The following PNPLA1 variants were observed in gnomAD, a reference collection of about 807,000 sequenced individuals.
PNPLA1 encodes omega-hydroxyceramide transacylase.
Under a neutral mutation model 51.7 loss-of-function variants are expected in PNPLA1, and 36 were observed. The ratio of observed to expected loss-of-function variants is 0.70; its 90% CI spans 0.53 to 0.92. The LOEUF (loss-of-function observed/expected upper bound fraction) is 0.92. Ranked by LOEUF, PNPLA1 falls within the 40% of genes least tolerant of loss-of-function variation. The probability of loss-of-function intolerance (pLI) is 0.00; values close to 1 mark genes in which losing one functional copy is unlikely to be tolerated. For synonymous variants in PNPLA1, 293 were observed against 280.1 expected, an observed-to-expected ratio of 1.05 and a Z score of -0.46; for missense variants, 658 against 682.5, an observed-to-expected ratio of 0.96 and a Z score of 0.40.
In PNPLA1 at chr6:36,291,530, C is replaced by T. The variant is rs377709223; in HGVS notation, c.416C>T (p.Thr139Met). ...DGENVVVSEF[T>M]SKEELIEALY... is the part of the protein sequence containing the mutation. ...GAGAATGTGGTGGTTTCAGAGTTCACGTCCAAGGAGGAGCTCATTGAGGCA... is the reference window on the plus strand; with the variant it reads ...GAGAATGTGGTGGTTTCAGAGTTCATGTCCAAGGAGGAGCTCATTGAGGCA... The change falls in exon 2 of 9, where the codon ACG becomes ATG. Residue 139 changes from threonine (T) to methionine (M), a missense_variant. Transcript: ENST00000636260. 9 of 1,464,618 alleles carry T rather than the reference C, an allele frequency of 6.1e-6. No homozygotes were observed. The highest frequency in any genetic ancestry group is 3.0e-5 in the African/African-American group (2 of 67,182). 90.7% of individuals were successfully genotyped at this position (1,464,618 alleles called of 1,614,324 possible).
intron 5 of PNPLA1, among the ~76,000 whole-genome samples, chr6:36,301,226 C>T (rs927581694): frequency 6.6e-6 from 1 of 151,108 alleles, no homozygotes; most frequent in Non-Finnish European, 1.5e-5. Flanking sequence ...GCTCAGGCAA[C>T]CCTTTCACCT....
chr6:36,245,755 T>C (rs1769261587), intron 1 of PNPLA1, among the ~76,000 whole-genome samples: 1 of 152,224 alleles, frequency 6.6e-6, no homozygotes. Flanking sequence ...GCAGGAACCG[T>C]CATCCCCACG....
chr6:36,310,760 G>A (rs1771390234), intron 8 of PNPLA1, among the ~76,000 whole-genome samples: 1 of 152,194 alleles, frequency 6.6e-6, no homozygotes, highest in African/African-American at 2.4e-5. Context: ...ACTGGGGTGG[G>A]AGTCAGAAGT....
At chr6:36,310,811 T>C (rs186438501) in intron 8 of PNPLA1, among the ~76,000 whole-genome samples, 3 of 152,328 alleles carry the variant, frequency 2.0e-5, no homozygotes, top group African/African-American at 7.2e-5. Context: ...GGCAAGTTAC[T>C]TTACTTAGTG....
In PNPLA1 at chr6:36,257,374, C is replaced by T. The variant is rs573578032; in HGVS notation, c.-81+14113C>T. Among the ~76,000 whole-genome samples, 25 of 152,302 alleles carry T rather than the reference C, an allele frequency of 1.6e-4. No homozygotes were observed. The South Asian group carries it at 4.1e-3, about 25-fold the overall frequency. On this transcript the variant is annotated intron_variant, in intron 1 of 7. Transcript: ENST00000312917. ...ATCAGGGAAATTCTAATTAGTCCAG[C>T]GGCTCAGAGACATGATTAAAGACCC...
At chr6:36,245,872 G>T (rs369092668) in intron 1 of PNPLA1, among the ~76,000 whole-genome samples, 1 of 152,054 alleles carries the variant, frequency 6.6e-6, no homozygotes, top group Non-Finnish European at 1.5e-5. Flanking sequence ...TTCACTCCCC[G>T]CCCCCCGCCA....
chr6:36,264,256 A>G (rs1769715298), intron 1 of PNPLA1, among the ~76,000 whole-genome samples: 1 of 152,206 alleles, frequency 6.6e-6, no homozygotes, highest in Non-Finnish European at 1.5e-5. Flanking sequence ...TCACTGTGGC[A>G]TTGCTGGTTA....
intron 5 of PNPLA1, among the ~76,000 whole-genome samples, chr6:36,301,226 C>A (rs927581694): frequency 6.6e-5 from 10 of 151,108 alleles, no homozygotes; most frequent in African/African-American, 2.2e-4. Flanking sequence ...GCTCAGGCAA[C>A]CCTTTCACCT....
intron 1 of PNPLA1, among the ~76,000 whole-genome samples, chr6:36,272,093 C>A (rs879826229): frequency 7.9e-5 from 12 of 152,162 alleles, no homozygotes; most frequent in Admixed American, 7.9e-4. Flanking sequence ...AAGCGCATTA[C>A]ATTTGTTGTG....
At chr6:36,301,762 G>T in intron 5 of PNPLA1, 99 bp from the exon 6 acceptor site, 3 of 1,432,330 alleles carry the variant, frequency 2.1e-6, no homozygotes, top group Non-Finnish European at 2.8e-6. Flanking sequence ...CCTTTGAAAA[G>T]CACTGTTCCT....
chr6:36,286,465 G>T (rs973070337), intron 1 of PNPLA1, among the ~76,000 whole-genome samples: 1 of 151,988 alleles, frequency 6.6e-6, no homozygotes, highest in Admixed American at 6.6e-5. Flanking sequence ...AAAATAAAAA[G>T]AATTATCTGG....
At chr6:36,293,193 C>G in intron 3 of PNPLA1, 67 bp downstream of exon 3, 9 of 1,480,524 alleles carry the variant, frequency 6.1e-6, no homozygotes, top group Non-Finnish European at 3.8e-6. Flanking sequence ...GTGACTCACA[C>G]CTGGGGGAGC....
intron 1 of PNPLA1, among the ~76,000 whole-genome samples, chr6:36,274,829 C>A (rs563563338): frequency 1.3e-5 from 2 of 152,164 alleles, no homozygotes; most frequent in Non-Finnish European, 2.9e-5. Context: ...GACCACTAGA[C>A]GTTTCCTCTT....
In PNPLA1 at chr6:36,294,047, C is replaced by G; in HGVS notation, c.505-143C>G. On this transcript the variant is annotated intron_variant, in intron 3 of 8. Coordinates refer to ENST00000636260, the MANE Select transcript of PNPLA1 (RefSeq NM_001374623.1). The surrounding 1 kb of genome is among the most constrained non-coding windows in gnomAD (Gnocchi z 4.2). ...CACGCACCCACCAGGACCTCCGTCT[C>G]CAGGCTTATCCTGAGGGGTCTTCTG... 3.1e-6 allele frequency: 3 copies of G among 972,152 alleles called. No homozygotes were observed. The highest frequency in any genetic ancestry group is 4.5e-6 in the Non-Finnish European group (3 of 659,864). The allele number at this position is 972,152 out of a possible 1,614,324, so 60.2% of individuals were successfully genotyped here. A position where few individuals can be genotyped will look rare whatever the true frequency, so the allele number is the denominator to read the frequency against.
chr6:36,288,509 G>A (rs1049203751), intron 1 of PNPLA1, among the ~76,000 whole-genome samples: 3 of 149,510 alleles, frequency 2.0e-5, no homozygotes, highest in African/African-American at 7.4e-5. Flanking sequence ...GCGGACTGCA[G>A]TGGCGCAATC....
In PNPLA1 at chr6:36,296,692, A is replaced by G. The variant is rs371380033; in HGVS notation, c.775+1268A>G. On this transcript the variant is annotated intron_variant, in intron 5 of 8. Transcript: ENST00000636260. ...TTCTCCTGGGTCCTTTCTCCCAACA[A>G]GGGGGGTGGAGAGGCTGGACGGACA... Among the ~76,000 whole-genome samples, 53 of 152,162 alleles carry G rather than the reference A, an allele frequency of 3.5e-4. No individual in the cohort carries two copies. The East Asian group carries it at 9.9e-3, about 28-fold the overall frequency.
At position 36,255,199 on chromosome 6, in the gene PNPLA1, T is replaced by C. The variant is rs184269777; in HGVS notation, c.-81+11938T>C. ...CTGACCAACATGGTGAAATCCCTTC[T>C]CTACTAAAAAAAAATACAAAATTGG... is the stretch of plus-strand genomic sequence containing the variant. On this transcript the variant is annotated intron_variant, in intron 1 of 7. Transcript: ENST00000312917. 2.0e-5 allele frequency among the ~76,000 whole-genome samples: 3 copies of C among 151,612 alleles called. No homozygotes were observed. The East Asian group carries it at 5.8e-4, about 29-fold the overall frequency.
At chr6:36,266,175 T>C (rs1769755183), upstream of PNPLA1, among the ~76,000 whole-genome samples, 1 of 152,178 alleles carries the variant, frequency 6.6e-6, no homozygotes, top group South Asian at 2.1e-4. Flanking sequence ...CAACGAGCCT[T>C]GAGATGACTG....
chr6:36,271,580 G>T (rs561036575), intron 1 of PNPLA1, among the ~76,000 whole-genome samples: 2 of 152,248 alleles, frequency 1.3e-5, no homozygotes, highest in Non-Finnish European at 2.9e-5. Context: ...GACTGAGAAT[G>T]AAATGGAGAC....
Sources: gnomAD v4.1 joint callset for allele counts (sites outside exome capture counted in the v4.1 genomes callset) on GRCh38, gnomAD v4.1.1 for gene constraint, Gnocchi (gnomAD v3.1) non-coding constraint, MANE v1.5 for transcripts, NCBI Gene and HGNC (gene_info 2026-07-23, HGNC 2026-07-21) for gene names.